Variants in THSD7A observed in about 807,000 individuals in gnomAD.
THSD7A encodes the protein thrombospondin type-1 domain-containing protein 7A.
Under a neutral mutation model 231.3 loss-of-function variants are expected in THSD7A, and 96 were observed. That is an observed-to-expected ratio of 0.41 (90% confidence interval 0.35 to 0.49). The LOEUF is 0.49. Ranked by LOEUF, THSD7A falls within the 20% of genes least tolerant of loss-of-function variation. The pLI is 0.05. For missense variants in THSD7A, 2,290 were observed against 2,070.2 expected (o/e 1.11, Z -2.06); for synonymous variants, 940 against 743.3 (o/e 1.26, Z -4.30).
chr7:11,484,274 T>C (rs1786554979), intron 6 of THSD7A, among the ~76,000 whole-genome samples: 1 of 152,112 alleles, frequency 6.6e-6, no homozygotes, highest in African/African-American at 2.4e-5. Flanking sequence ...CACATTTAGG[T>C]TGAAGCTTTA....
chr7:11,763,529 T>A (rs544136002), intron 1 of THSD7A, among the ~76,000 whole-genome samples: 9 of 152,316 alleles, frequency 5.9e-5, no homozygotes, highest in Admixed American at 5.2e-4. Flanking sequence ...CATATAGATA[T>A]ATCTGTGTAT....
chr7:11,497,178 A>G (rs977630356), intron 6 of THSD7A, among the ~76,000 whole-genome samples: 9 of 152,124 alleles, frequency 5.9e-5, no homozygotes, highest in African/African-American at 1.9e-4. Context: ...ACCTTATAAA[A>G]CCATCAGATC....
chr7:11,417,645 T>C (rs767996211), intron 16 of THSD7A, 42 bp from the exon 17 acceptor site: 4 of 1,566,786 alleles, frequency 2.6e-6, no homozygotes, highest in East Asian at 4.6e-5. Flanking sequence ...TATACATACA[T>C]TCTAGAAGTA....
rs571622237 is a variant in THSD7A at position 11,377,735 on chromosome 7, A to C, written c.4802-1078T>G. 2 of 152,104 alleles carry C rather than the reference A, an allele frequency of 1.3e-5. No individual in the cohort carries two copies. Among genetic ancestry groups the C allele is most frequent in the Non-Finnish European group, 1.5e-5 (1 of 68,006 alleles). The allele number at this position is 152,104 out of a possible 1,614,324, so 9.4% of individuals were successfully genotyped here. A position where few individuals can be genotyped will look rare whatever the true frequency, so the allele number is the denominator to read the frequency against. ...ATCTCTGTTGAGAGTTTCTTCAACAAATGTTTTTTGGGGTTTTTCAAAATC... is the reference window on the plus strand; with the variant it reads ...ATCTCTGTTGAGAGTTTCTTCAACACATGTTTTTTGGGGTTTTTCAAAATC... On this transcript the variant is annotated intron_variant, in intron 26 of 27. Coordinates refer to ENST00000423059, the MANE Select transcript of THSD7A (RefSeq NM_015204.3). This position sits in a 1 kb window ranked among gnomAD's most constrained non-coding sequence, Gnocchi z 4.5.
In THSD7A at chr7:11,401,939, A is replaced by T. The variant is rs1432301825; in HGVS notation, c.4267T>A (p.Trp1423Arg). The change falls in exon 23 of 28, where the codon TGG (tryptophan) becomes AGG (arginine). Residue 1423 changes from tryptophan to arginine, a missense_variant. Physicochemically the swap from Trp to Arg is moderately radical, Grantham distance 101. Coordinates refer to ENST00000423059, the MANE Select transcript of THSD7A (RefSeq NM_015204.3). Reference protein sequence around the residue: ...GDCYLKDWSSWSLCQLTCVNG... With the variant: ...GDCYLKDWSSRSLCQLTCVNG... ...ACACAGGTCAGCTGACACAGGCTCC[A>T]GGAAGACCAGTCCTTCAAATAACAG... 6.2e-7 allele frequency: 1 copy of T among 1,613,400 alleles called. No individual in the cohort carries two copies. The highest frequency in any genetic ancestry group is 8.5e-7 in the Non-Finnish European group (1 of 1,179,696).
intron 22 of THSD7A, among the ~76,000 whole-genome samples, chr7:11,402,989 C>T (rs896992896): frequency 1.3e-5 from 2 of 152,024 alleles, no homozygotes; most frequent in Non-Finnish European, 2.9e-5. Context: ...AATTGCTGGG[C>T]CATAGTGCAT....
intron 23 of THSD7A, among the ~76,000 whole-genome samples, chr7:11,393,149 A>G (rs1422273122): frequency 6.6e-6 from 1 of 152,178 alleles, no homozygotes; most frequent in Non-Finnish European, 1.5e-5. Context: ...TCTGGCTGGC[A>G]TCTGGCAGGT....
At chr7:11,426,627 A>T in intron 15 of THSD7A, 39 bp downstream of exon 15, 2 of 1,527,830 alleles carry the variant, frequency 1.3e-6, no homozygotes, top group Non-Finnish European at 1.7e-6. Context: ...TAAGAAAAGA[A>T]GGATTCTATC....
chr7:11,557,813 T>C (rs572309724), intron 4 of THSD7A, among the ~76,000 whole-genome samples: 1 of 152,224 alleles, frequency 6.6e-6, no homozygotes, highest in East Asian at 1.9e-4. Context: ...CAACTAGCAG[T>C]GATGGAAGTG....
chr7:11,808,738 T>A (rs916332398), intron 1 of THSD7A, among the ~76,000 whole-genome samples: 3 of 152,110 alleles, frequency 2.0e-5, no homozygotes, highest in African/African-American at 7.2e-5. Context: ...TGACAATCTG[T>A]ATCAAGAATC....
At position 11,371,641 on chromosome 7, in the gene THSD7A, C is replaced by A. The variant is rs895827831; in HGVS notation, c.*4153G>T. 3.3e-5 allele frequency: 5 copies of A among 152,018 alleles called. No individual in the cohort carries two copies. Among genetic ancestry groups the A allele is most frequent in the Non-Finnish European group, 1.5e-5 (1 of 68,036 alleles). 9.4% of individuals were successfully genotyped at this position (152,018 alleles called of 1,614,324 possible). On this transcript the variant is annotated 3_prime_UTR_variant, in exon 28 of 28. Coordinates refer to ENST00000423059, the MANE Select transcript of THSD7A (RefSeq NM_015204.3). ...TACTGAAAAGTACAGTCCTCCCTCA[C>A]TGTCTTGTGGTGTGGAATGTGAACA...
At chr7:11,413,615 G>C (rs1783861780) in intron 17 of THSD7A, among the ~76,000 whole-genome samples, 1 of 152,158 alleles carries the variant, frequency 6.6e-6, no homozygotes, top group Admixed American at 6.5e-5. Context: ...TTACTTTATA[G>C]TTTAAATAAC....
chr7:11,484,556 TCTGA>T (rs1163632207), intron 6 of THSD7A, among the ~76,000 whole-genome samples: 3 of 152,304 alleles, frequency 2.0e-5, no homozygotes, highest in South Asian at 2.1e-4. Context: ...ATGTTTATTG[TCTGA>T]CTATCACTAG....
rs528887669 is a variant in THSD7A, at chr7:11,479,905, G to A, written c.2017+1883C>T. On this transcript the variant is annotated intron_variant, in intron 7 of 27. Coordinates refer to ENST00000423059, the MANE Select transcript of THSD7A (RefSeq NM_015204.3). ...ATAATGTATTATATATTTCAAAATA[G>A]CTGGAAGAGAGGATTCTCTATGCCC... is the stretch of plus-strand genomic sequence containing the variant. Among the ~76,000 whole-genome samples, 51 of 152,046 alleles carry A rather than the reference G, an allele frequency of 3.4e-4. No individual in the cohort carries two copies. In the South Asian group the frequency reaches 5.6e-3, roughly 17 times the overall value.
intron 2 of THSD7A, among the ~76,000 whole-genome samples, chr7:11,633,876 G>C (rs1781741738): frequency 6.6e-6 from 1 of 152,094 alleles, no homozygotes; most frequent in African/African-American, 2.4e-5. Flanking sequence ...GTAATTTTTA[G>C]CCATATTAAA....
At chr7:11,824,703 T>C (rs1412249067) in intron 1 of THSD7A, among the ~76,000 whole-genome samples, 4 of 152,114 alleles carry the variant, frequency 2.6e-5, no homozygotes, top group African/African-American at 9.7e-5. Context: ...GATGGTGCTA[T>C]ATAAATTACA....
At chr7:11,441,371 T>C (rs1377318888) in intron 13 of THSD7A, among the ~76,000 whole-genome samples, 3 of 152,086 alleles carry the variant, frequency 2.0e-5, no homozygotes, top group Non-Finnish European at 4.4e-5. Flanking sequence ...TTCTATCCTT[T>C]CCATTTAAAT....
rs1319649132 is a variant in THSD7A, at chr7:11,658,292, GTTTA to G, written c.191-21335_191-21332del. On this transcript the variant is annotated intron_variant, in intron 1 of 27. Coordinates refer to ENST00000423059, the MANE Select transcript of THSD7A (RefSeq NM_015204.3). Reference sequence around the variant, plus strand: ...AAACTTTAACATGATTTTCCTACTGGTTTATTTTCTTTTTCCAGACATTGTCATC... The same window carrying G: ...AAACTTTAACATGATTTTCCTACTGGTTTTCTTTTTCCAGACATTGTCATC... Among the ~76,000 whole-genome samples, 5 of 151,770 alleles carry G rather than the reference GTTTA, an allele frequency of 3.3e-5. No homozygotes were observed. The East Asian group carries it at 9.7e-4, about 29-fold the overall frequency.
At chr7:11,407,511 G>C in intron 19 of THSD7A, 88 bp from the exon 20 acceptor site, 6 of 918,002 alleles carry the variant, frequency 6.5e-6, no homozygotes, top group South Asian at 1.5e-5. Flanking sequence ...GAGAAGGAGG[G>C]AGAAAAAGCA....
Sources: gnomAD v4.1 joint callset for allele counts (sites outside exome capture counted in the v4.1 genomes callset) on GRCh38, gnomAD v4.1.1 for gene constraint, Gnocchi (gnomAD v3.1) non-coding constraint, MANE v1.5 for transcripts, NCBI Gene and HGNC (gene_info 2026-07-23, HGNC 2026-07-21) for gene names.